The following SMOC2 variants were observed in gnomAD, a reference collection of about 807,000 sequenced individuals.
The protein encoded by SMOC2 is SPARC-related modular calcium-binding protein 2.
In SMOC2, 39 loss-of-function variants were observed where a neutral mutation model predicts 61.4. That is an observed-to-expected ratio of 0.64 (90% CI 0.49 to 0.83). SMOC2 has a LOEUF of 0.83. Ranked by LOEUF, SMOC2 falls within the 40% of genes least tolerant of loss-of-function variation. The pLI is 0.00. For synonymous variants in SMOC2, 247 were observed against 239.9 expected (o/e 1.03, Z -0.27); for missense variants, 556 against 592.9 (o/e 0.94, Z 0.65).
chr6:168,469,628 C>T (rs749128357), intron 1 of SMOC2, among the ~76,000 whole-genome samples: 1 of 152,226 alleles, frequency 6.6e-6, no homozygotes, highest in Non-Finnish European at 1.5e-5. Context: ...AATCACAAGC[C>T]TCTGCTTCTC....
chr6:168,517,707 T>C (rs1010259686), intron 2 of SMOC2, among the ~76,000 whole-genome samples: 1 of 152,206 alleles, frequency 6.6e-6, no homozygotes, highest in Non-Finnish European at 1.5e-5. Context: ...CAGCTTCTTC[T>C]CAGCACCTGT....
chr6:168,490,610 T>A (rs1296410026), intron 1 of SMOC2, among the ~76,000 whole-genome samples: 1 of 152,164 alleles, frequency 6.6e-6, no homozygotes, highest in Non-Finnish European at 1.5e-5. Flanking sequence ...AGCCCCTAGG[T>A]TTATCAGTGG....
chr6:168,546,432 G>A (rs1473877834), intron 5 of SMOC2, among the ~76,000 whole-genome samples: 3 of 152,096 alleles, frequency 2.0e-5, no homozygotes, highest in Non-Finnish European at 4.4e-5. Flanking sequence ...CAATGTGTGT[G>A]TGTCAATTAA....
intron 1 of SMOC2, among the ~76,000 whole-genome samples, chr6:168,456,056 A>G (rs1374947415): frequency 1.3e-5 from 2 of 152,216 alleles, no homozygotes; most frequent in Non-Finnish European, 2.9e-5. Context: ...GCCACCCCAG[A>G]GCCCAGGGAG....
chr6:168,543,598 A>C, intron 4 of SMOC2, 27 bp from the exon 5 acceptor site: 1 of 1,607,424 alleles, frequency 6.2e-7, no homozygotes, highest in Non-Finnish European at 8.5e-7. Context: ...AAATAATTTC[A>C]TTTCACTCCT....
intron 1 of SMOC2, among the ~76,000 whole-genome samples, chr6:168,448,166 T>G (rs1562534335): frequency 6.6e-6 from 1 of 152,172 alleles, no homozygotes; most frequent in Non-Finnish European, 1.5e-5. Context: ...GGCTGAGTTG[T>G]GAAGGAGCAA....
At chr6:168,576,211 C>G (rs1027264035) in intron 7 of SMOC2, among the ~76,000 whole-genome samples, 1 of 152,140 alleles carries the variant, frequency 6.6e-6, no homozygotes, top group African/African-American at 2.4e-5. Context: ...ACATAACACA[C>G]AACCCTTATT....
intron 2 of SMOC2, among the ~76,000 whole-genome samples, chr6:168,512,711 T>C (rs371105192): frequency 4.6e-5 from 7 of 152,112 alleles, no homozygotes; most frequent in East Asian, 3.9e-4. Context: ...CAGGATCCAT[T>C]TCAGAGAGCT....
Position 168,655,526 on chromosome 6 carries a change from GC to G in SMOC2, c.1285+2299del, listed in dbSNP as rs1787299196. 9.4e-6 allele frequency: 4 copies of G among 424,728 alleles called. No homozygotes were observed. The Admixed American group carries it at 1.0e-4, about 11-fold the overall frequency. The allele number at this position is 424,728 out of a possible 1,614,324, so 26.3% of individuals were successfully genotyped here. ...TGCATGCCCTGATCCCACTGCACAT[GC>G]GTGCTAGATACTCCTGCATGTGTGT... On this transcript the variant is annotated intron_variant, in intron 11 of 12. Coordinates refer to ENST00000356284, the MANE Select transcript of SMOC2 (RefSeq NM_001166412.2).
chr6:168,605,443 T>C (rs192443168), intron 8 of SMOC2, among the ~76,000 whole-genome samples: 1 of 152,276 alleles, frequency 6.6e-6, no homozygotes, highest in East Asian at 1.9e-4. Context: ...AAAAGAATGG[T>C]GATGGATGAC....
At chr6:168,490,404 G>A (rs1052016460) in intron 1 of SMOC2, among the ~76,000 whole-genome samples, 4 of 152,130 alleles carry the variant, frequency 2.6e-5, no homozygotes, top group South Asian at 4.2e-4. Context: ...GTCAAGGCGC[G>A]CAGCATACAA....
chr6:168,624,689 TAGATAC>T (rs1159277438), intron 9 of SMOC2, among the ~76,000 whole-genome samples: 2 of 148,936 alleles, frequency 1.3e-5, no homozygotes, highest in African/African-American at 5.0e-5. Context: ...TAAACACACA[TAGATAC>T]AGATGTACAC....
intron 9 of SMOC2, among the ~76,000 whole-genome samples, chr6:168,647,284 G>A (rs11962791): frequency 0.44 from 67,237 of 152,094 alleles, 15,494 homozygotes; most frequent in Non-Finnish European, 0.51. Flanking sequence ...AGACCCCACC[G>A]TGCAGGCGGC....
chr6:168,558,533 C>T (rs772267451), intron 7 of SMOC2, among the ~76,000 whole-genome samples: 9 of 152,156 alleles, frequency 5.9e-5, no homozygotes, highest in Non-Finnish European at 1.3e-4. Flanking sequence ...TGATCCTGAT[C>T]AATGCATTTT....
chr6:168,465,945 G>C (rs1183609210), intron 1 of SMOC2, among the ~76,000 whole-genome samples: 1 of 112,300 alleles, frequency 8.9e-6, no homozygotes, highest in African/African-American at 3.6e-5. Context: ...GATGAAGCGA[G>C]GTGCTGCTCT....
chr6:168,615,255 C>CGG (rs1786041379), intron 9 of SMOC2, among the ~76,000 whole-genome samples: 1 of 94,260 alleles, frequency 1.1e-5, no homozygotes, highest in Non-Finnish European at 2.2e-5. Context: ...ACAGCCAGCA[C>CGG]GGGGCCTTTT....
At chr6:168,488,997 A>ACT (rs1305413125) in intron 1 of SMOC2, among the ~76,000 whole-genome samples, 2 of 147,516 alleles carry the variant, frequency 1.4e-5, no homozygotes, top group Non-Finnish European at 1.5e-5. Context: ...CTTGGATCAC[A>ACT]GTTTTAGAGT....
chr6:168,615,647 C>T (rs199557488), intron 9 of SMOC2, among the ~76,000 whole-genome samples: 5 of 75,952 alleles, frequency 6.6e-5, no homozygotes, highest in African/African-American at 1.0e-4. Flanking sequence ...CTCTTCATAC[C>T]TACAGCCAGC....
chr6:168,570,254 CAAAG>C (rs1784634918), intron 7 of SMOC2, among the ~76,000 whole-genome samples: 1 of 152,036 alleles, frequency 6.6e-6, no homozygotes, highest in African/African-American at 2.4e-5. Context: ...GAAAAAACGT[CAAAG>C]AAGTCAGGAA....
Sources: allele counts gnomAD v4.1 joint callset (sites outside exome capture counted in the v4.1 genomes callset), GRCh38; gene constraint gnomAD v4.1.1; transcripts MANE v1.5; gene names NCBI Gene and HGNC (gene_info 2026-07-23, HGNC 2026-07-21).